The following CCDC196 variants were observed in gnomAD, a reference collection of about 807,000 sequenced individuals.
The protein encoded by CCDC196 is coiled-coil domain-containing protein 196.
intron 8 of CCDC196, among the ~76,000 whole-genome samples, chr14:66,493,496 T>C (rs532150572): frequency 6.6e-6 from 1 of 152,354 alleles, no homozygotes; most frequent in East Asian, 1.9e-4. Flanking sequence ...TGTGTGATGA[T>C]AGTCGCCAAT....
intron 8 of CCDC196, among the ~76,000 whole-genome samples, chr14:66,494,277 A>G (rs1191010344): frequency 1.3e-5 from 2 of 152,156 alleles, no homozygotes; most frequent in African/African-American, 4.8e-5. Context: ...TTCAAACTCT[A>G]TAGGTTTGTT....
chr14:66,493,761 T>C (rs1438972207), intron 8 of CCDC196: 1 of 152,210 alleles, frequency 6.6e-6, no homozygotes, highest in Non-Finnish European at 1.5e-5. Context: ...TTTCAATTTA[T>C]GTTCTAATAA....
chr14:66,495,860 A>T (rs991181893), intron 8 of CCDC196: 5 of 156,928 alleles, frequency 3.2e-5, no homozygotes, highest in African/African-American at 1.2e-4. Context: ...TATTACTGGC[A>T]GCCTTGATTA....
At chr14:66,486,596 C>T (rs2057404063) in intron 1 of CCDC196, 44 bp downstream of exon 1, 1 of 376,920 alleles carries the variant, frequency 2.7e-6, no homozygotes, top group East Asian at 3.7e-5. Flanking sequence ...GAGGGTCTCT[C>T]TCTCTCTCTC....
At position 66,498,400 on chromosome 14, in the gene CCDC196, A is replaced by G; in HGVS notation, c.822A>G (p.Gly274=). The G allele has an allele frequency of 2.4e-6, 1 of 413,422 alleles. No individual in the cohort carries two copies. Among genetic ancestry groups the G allele is most frequent in the Non-Finnish European group, 4.4e-6 (1 of 225,886 alleles). The allele number at this position is 413,422 out of a possible 1,614,324, so 25.6% of individuals were successfully genotyped here. Residue 274 remains glycine (G), a synonymous_variant, in exon 10 of 10, where the codon GGA becomes GGG. Transcript: ENST00000636229. ...ACACAGAACAACAAGGAACTAAAGGAAGTCAGCTTGATAATACAGGAGGGA... is the reference window on the plus strand; with the variant it reads ...ACACAGAACAACAAGGAACTAAAGGGAGTCAGCTTGATAATACAGGAGGGA... ...KIYTEQQGTK[G]SQLDNTGGRL... is the part of the protein sequence containing the mutation.
At chr14:66,489,233 T>A (rs944906256) in intron 4 of CCDC196, among the ~76,000 whole-genome samples, 196 bp downstream of exon 4, 16 of 152,236 alleles carry the variant, frequency 1.1e-4, no homozygotes, top group African/African-American at 3.9e-4. Context: ...ATGAAAAACC[T>A]TTACAGCCAC....
At chr14:66,497,091 G>A (rs2057684575) in intron 8 of CCDC196, among the ~76,000 whole-genome samples, 1 of 152,154 alleles carries the variant, frequency 6.6e-6, no homozygotes, top group Non-Finnish European at 1.5e-5. Context: ...CTAAAATGCT[G>A]AAGGGCAGGG....
At chr14:66,490,028 C>A (rs7144217) in intron 4 of CCDC196, among the ~76,000 whole-genome samples, 7 of 152,124 alleles carry the variant, frequency 4.6e-5, no homozygotes, top group African/African-American at 1.4e-4. Context: ...GACTTTTCCA[C>A]AAATAATCAG....
chr14:66,493,434 A>G (rs1256000355), intron 8 of CCDC196, among the ~76,000 whole-genome samples: 1 of 152,192 alleles, frequency 6.6e-6, no homozygotes, highest in Non-Finnish European at 1.5e-5. Flanking sequence ...TGGTGTTGAA[A>G]TCTGAGAGAA....
chr14:66,497,157 T>G (rs185045682), intron 8 of CCDC196, among the ~76,000 whole-genome samples: 1 of 152,284 alleles, frequency 6.6e-6, no homozygotes, highest in East Asian at 1.9e-4. Context: ...ACTGTTGCTT[T>G]CAAGTACAGG....
chr14:66,486,486 A>C lies in CCDC196; in HGVS notation c.-17A>C, dbSNP rs2057400850. ...TTTTCAGGAAGGCCTCTTTATTCTTAGAAGTTACCCTTCAAGATGACAAGT... is the reference window on the plus strand; with the variant it reads ...TTTTCAGGAAGGCCTCTTTATTCTTCGAAGTTACCCTTCAAGATGACAAGT... On this transcript the variant is annotated 5_prime_UTR_variant, in exon 1 of 10. Transcript: ENST00000636229. The C allele has an allele frequency of 2.4e-6, 1 of 410,736 alleles. No homozygotes were observed. The highest frequency in any genetic ancestry group is 4.4e-6 in the Non-Finnish European group (1 of 226,020). 25.4% of individuals were successfully genotyped at this position (410,736 alleles called of 1,614,324 possible).
At chr14:66,495,035 A>AT (rs1311227353) in intron 8 of CCDC196, among the ~76,000 whole-genome samples, 1 of 152,120 alleles carries the variant, frequency 6.6e-6, no homozygotes, top group Non-Finnish European at 1.5e-5. Context: ...CAAAAAAAAA[A>AT]AAAAAAGACA....
At chr14:66,488,295 T>TAC (rs2057455628) in intron 3 of CCDC196, 39 bp downstream of exon 3, 2 of 411,314 alleles carry the variant, frequency 4.9e-6, no homozygotes, top group Non-Finnish European at 8.9e-6. Context: ...GCCTCCTGAA[T>TAC]AGGGCTCAAT....
chr14:66,498,380 GA>G lies in CCDC196; in HGVS notation c.804del (p.Glu268AspfsTer20), dbSNP rs1425680105. ...AATTCTGGGAACAAAGATCTACACAGAACAACAAGGAACTAAAGGAAGTCAG... is the reference window on the plus strand; with the variant it reads ...AATTCTGGGAACAAAGATCTACACAGACAACAAGGAACTAAAGGAAGTCAG... ...VRILGTKIYT[E>X]QQGTKGSQLD... On this transcript the variant is annotated frameshift_variant, in exon 10 of 10. Transcript: ENST00000636229. LOFTEE classifies it high-confidence loss of function. 12 of 412,976 alleles carry G rather than the reference GA, an allele frequency of 2.9e-5. No homozygotes were observed. Among genetic ancestry groups the G allele is most frequent in the Admixed American group, 4.4e-5 (1 of 22,690 alleles). 25.6% of individuals were successfully genotyped at this position (412,976 alleles called of 1,614,324 possible).
intron 8 of CCDC196, among the ~76,000 whole-genome samples, chr14:66,493,321 G>A (rs748608288): frequency 1.8e-4 from 28 of 152,168 alleles, no homozygotes; most frequent in Non-Finnish European, 2.8e-4. Flanking sequence ...GGCAGAGGTA[G>A]GCTACAAATT....
chr14:66,492,639 C>A (rs2057570113), intron 8 of CCDC196, among the ~76,000 whole-genome samples: 1 of 152,190 alleles, frequency 6.6e-6, no homozygotes, highest in African/African-American at 2.4e-5. Flanking sequence ...CACGCCCGGC[C>A]TATCATCATT....
chr14:66,490,170 G>A (rs1002605581), intron 4 of CCDC196, among the ~76,000 whole-genome samples: 1 of 152,132 alleles, frequency 6.6e-6, no homozygotes. Context: ...AAATGTGCCA[G>A]CACAATTCCT....
intron 8 of CCDC196, chr14:66,492,955 C>T (rs1251037944): frequency 1.3e-5 from 2 of 152,564 alleles, no homozygotes; most frequent in Non-Finnish European, 2.9e-5. Flanking sequence ...GATTTCCCCA[C>T]AGAATTTACG....
intron 8 of CCDC196, chr14:66,496,436 T>C (rs1332985622): frequency 2.2e-6 from 1 of 452,346 alleles, no homozygotes; most frequent in African/African-American, 2.0e-5. Flanking sequence ...GGATGTGGCA[T>C]TACCGTCATC....
Sources: gnomAD v4.1 joint callset for allele counts (sites outside exome capture counted in the v4.1 genomes callset) on GRCh38, gnomAD v4.1.1 for gene constraint, MANE v1.5 for transcripts, NCBI Gene and HGNC (gene_info 2026-07-23, HGNC 2026-07-21) for gene names.